The following CSRNP3 variants were observed in gnomAD, a reference collection of about 807,000 sequenced individuals.
CSRNP3 encodes the protein cysteine and serine rich nuclear protein 3.
In CSRNP3, 12 loss-of-function variants were observed where a neutral mutation model predicts 48.0. That is an observed-to-expected ratio of 0.25 (90% CI 0.16 to 0.41). CSRNP3 has a LOEUF of 0.41. Ranked by LOEUF, CSRNP3 falls within the 10% of genes least tolerant of loss-of-function variation. The pLI is 1.00. For synonymous variants in CSRNP3, 263 were observed against 269.7 expected, an observed-to-expected ratio of 0.98 and a Z score of 0.24; for missense variants, 580 against 724.4, an observed-to-expected ratio of 0.80 and a Z score of 2.29.
intron 3 of CSRNP3, among the ~76,000 whole-genome samples, chr2:165,586,425 A>G (rs1175015566): frequency 6.6e-6 from 1 of 152,226 alleles, no homozygotes. Context: ...ATTAACAAAA[A>G]ACAACAAAAA....
chr2:165,668,204 CAA>C (rs1687266876), intron 5 of CSRNP3, among the ~76,000 whole-genome samples: 1 of 152,140 alleles, frequency 6.6e-6, no homozygotes, highest in African/African-American at 2.4e-5. Flanking sequence ...CTGAGAAAAT[CAA>C]AAGAGTAATA....
At chr2:165,490,288 G>A (rs943273512) in intron 1 of CSRNP3, among the ~76,000 whole-genome samples, 1 of 150,182 alleles carries the variant, frequency 6.7e-6, no homozygotes, top group Non-Finnish European at 1.5e-5. Flanking sequence ...ACTGCTCAAT[G>A]AAATAAAAGA....
rs372840967 is a variant in CSRNP3 at position 165,681,803 on chromosome 2, A to ATGTGTG, written c.*2072_*2077dup. The ATGTGTG allele has an allele frequency of 5.0e-4, 63 of 126,838 alleles. No individual in the cohort carries two copies. The highest frequency in any genetic ancestry group is 1.8e-3 in the African/African-American group (60 of 33,612). The allele number at this position is 126,838 out of a possible 1,614,324, so 7.9% of individuals were successfully genotyped here. ...TACACATATATATACACATATATGT[A>ATGTGTG]TGTGTGTGTGTGTGTGTGTGTGTGT... On this transcript the variant is annotated 3_prime_UTR_variant, in exon 7 of 7. Coordinates refer to ENST00000651982, the MANE Select transcript of CSRNP3 (RefSeq NM_001172173.2).
intron 3 of CSRNP3, among the ~76,000 whole-genome samples, chr2:165,541,874 A>G (rs1684962508): frequency 6.6e-6 from 1 of 152,124 alleles, no homozygotes; most frequent in African/African-American, 2.4e-5. Context: ...TCCCTTCTAC[A>G]GAGTTTATAG....
intron 3 of CSRNP3, among the ~76,000 whole-genome samples, chr2:165,575,296 C>T (rs1553476166): frequency 1.3e-5 from 2 of 152,066 alleles, no homozygotes; most frequent in Non-Finnish European, 2.9e-5. Flanking sequence ...TTCAAACAAA[C>T]TTAATTAAAA....
chr2:165,484,019 T>G (rs1684081428), intron 1 of CSRNP3, among the ~76,000 whole-genome samples: 1 of 152,246 alleles, frequency 6.6e-6, no homozygotes. Context: ...GGAATGCTAG[T>G]AAGAAAATTG....
chr2:165,657,967 G>C lies in CSRNP3; in HGVS notation c.355G>C (p.Glu119Gln). The C allele has an allele frequency of 6.2e-7, 1 of 1,613,942 alleles. No homozygotes were observed. Among genetic ancestry groups the C allele is most frequent in the Non-Finnish European group, 8.5e-7 (1 of 1,179,988 alleles). The change falls in exon 5 of 7, where the codon GAG becomes CAG. Residue 119 changes from glutamate to glutamine, a missense_variant. By Grantham distance (29) the Glu-to-Gln change is conservative. Around this residue, in one of 4 missense-constraint regions of CSRNP3, gnomAD observed 62 missense variants for 66.4 expected, o/e 0.93. Coordinates refer to ENST00000651982, the MANE Select transcript of CSRNP3 (RefSeq NM_001172173.2). Reference sequence around the variant, plus strand: ...AAGGGAGCAGGAGAGGCTCCACCGGGAGATGTTGAGAGAACACCTTAGGGA... The same window carrying C: ...AAGGGAGCAGGAGAGGCTCCACCGGCAGATGTTGAGAGAACACCTTAGGGA... ...FAREQERLHREMLREHLREEK... is the reference protein window; with the variant it reads ...FAREQERLHRQMLREHLREEK...
chr2:165,640,693 A>G (rs1229132860), intron 4 of CSRNP3, among the ~76,000 whole-genome samples: 1 of 152,186 alleles, frequency 6.6e-6, no homozygotes, highest in African/African-American at 2.4e-5. Context: ...TTCACAGGCT[A>G]TAATAAGGAA....
rs1342732466 is a variant in CSRNP3, at chr2:165,487,374, G to T, written c.-282-7385G>T. ...GAACCAAGTTGGAAAACACTCTGCAGGATATTATCCAGGAGAACTTCCCCA... is the reference window on the plus strand; with the variant it reads ...GAACCAAGTTGGAAAACACTCTGCATGATATTATCCAGGAGAACTTCCCCA... On this transcript the variant is annotated intron_variant, in intron 1 of 6. Transcript: ENST00000651982. Among the ~76,000 whole-genome samples, 7 of 131,500 alleles carry T rather than the reference G, an allele frequency of 5.3e-5. 1 individual carries two copies. The highest frequency in any genetic ancestry group is 4.7e-4 in the Admixed American group (6 of 12,764). The allele number at this position is 131,500 out of a possible 152,430, so 86.3% of individuals were successfully genotyped here.
chr2:165,670,831 G>A (rs758922461), intron 5 of CSRNP3, among the ~76,000 whole-genome samples: 2 of 124,266 alleles, frequency 1.6e-5, no homozygotes, highest in African/African-American at 5.5e-5. Context: ...AGGCTATTTG[G>A]TAATCTCTTT....
intron 3 of CSRNP3, among the ~76,000 whole-genome samples, chr2:165,568,329 C>G (rs189397619): frequency 6.6e-6 from 1 of 152,216 alleles, no homozygotes; most frequent in East Asian, 1.9e-4. Context: ...CACTCAGCTT[C>G]AGAAGGATCT....
chr2:165,687,890 C>A lies in CSRNP3; in HGVS notation c.*8137C>A, dbSNP rs1687656399. The A allele has an allele frequency of 6.6e-6, 1 of 151,944 alleles. No individual in the cohort carries two copies. Among genetic ancestry groups the A allele is most frequent in the Non-Finnish European group, 1.5e-5 (1 of 67,976 alleles). 9.4% of individuals were successfully genotyped at this position (151,944 alleles called of 1,614,324 possible). On this transcript the variant is annotated 3_prime_UTR_variant, in exon 7 of 7. Coordinates refer to ENST00000651982, the MANE Select transcript of CSRNP3 (RefSeq NM_001172173.2). ...AGAACTCACCAGAAGATGAGGAACA[C>A]CCCCGAAATCAATGTTTCCTTTCTC...
chr2:165,603,050 C>A (rs1329942600), intron 4 of CSRNP3, among the ~76,000 whole-genome samples: 1 of 152,064 alleles, frequency 6.6e-6, no homozygotes, highest in South Asian at 2.1e-4. Flanking sequence ...CACCTGCCAT[C>A]GTGCCCGGCT....
rs566427367 is a variant in CSRNP3 at position 165,567,124 on chromosome 2, T to C, written c.-23-27919T>C. 2.6e-5 allele frequency: 4 copies of C among 152,230 alleles called. No individual in the cohort carries two copies. In the South Asian group the frequency reaches 8.3e-4, roughly 32 times the overall value. 9.4% of individuals were successfully genotyped at this position (152,230 alleles called of 1,614,324 possible). A position where few individuals can be genotyped will look rare whatever the true frequency, so the allele number is the denominator to read the frequency against. ...ATTGATGGAAAAACCATCAGTCCTG[T>C]TTCCTTTTAAACCTGCTCAGTTCAT... is the stretch of plus-strand genomic sequence containing the variant. On this transcript the variant is annotated intron_variant, in intron 3 of 6. Coordinates refer to ENST00000651982, the MANE Select transcript of CSRNP3 (RefSeq NM_001172173.2).
rs934658312 is a variant in CSRNP3 at position 165,605,671 on chromosome 2, G to A, written c.148+10458G>A. ...TGTGCTACAGCCTGGATGACAATGA[G>A]AATATGTCTCTAAATAAATAAAAAT... is the stretch of plus-strand genomic sequence containing the variant. On this transcript the variant is annotated intron_variant, in intron 4 of 6. Coordinates refer to ENST00000651982, the MANE Select transcript of CSRNP3 (RefSeq NM_001172173.2). Among the ~76,000 whole-genome samples the A allele has an allele frequency of 8.5e-5, 13 of 152,130 alleles. No individual in the cohort carries two copies. In the East Asian group the frequency reaches 2.1e-3, roughly 25 times the overall value.
At chr2:165,652,432 G>C (rs946555971) in intron 4 of CSRNP3, among the ~76,000 whole-genome samples, 1 of 151,410 alleles carries the variant, frequency 6.6e-6, no homozygotes, top group Non-Finnish European at 1.5e-5. Context: ...CCAGGAGGCG[G>C]AGGTTGCAGT....
Position 165,683,157 on chromosome 2 carries a change from A to G in CSRNP3, c.*3404A>G, listed in dbSNP as rs1039544783. 3 of 152,128 alleles carry G rather than the reference A, an allele frequency of 2.0e-5. No individual in the cohort carries two copies. The highest frequency in any genetic ancestry group is 7.2e-5 in the African/African-American group (3 of 41,442). The allele number at this position is 152,128 out of a possible 1,614,324, so 9.4% of individuals were successfully genotyped here. On this transcript the variant is annotated 3_prime_UTR_variant, in exon 7 of 7. Coordinates refer to ENST00000651982, the MANE Select transcript of CSRNP3 (RefSeq NM_001172173.2). ...TTTCCTCCTTATCTCTTGATCATTA[A>G]TTATTAAGACATGGGTAAAATTCAT...
intron 4 of CSRNP3, among the ~76,000 whole-genome samples, chr2:165,613,687 C>T (rs10203527): frequency 0.53 from 80,834 of 151,978 alleles, 21,983 homozygotes; most frequent in Admixed American, 0.61. Flanking sequence ...CTTGCCAGCT[C>T]TGTTGAAAAC....
At chr2:165,593,047 C>G (rs1255838832) in intron 3 of CSRNP3, among the ~76,000 whole-genome samples, 1 of 151,886 alleles carries the variant, frequency 6.6e-6, no homozygotes, top group Non-Finnish European at 1.5e-5. Context: ...GTGATCCGCC[C>G]GCCTCGGCCT....
Sources: allele counts gnomAD v4.1 joint callset (sites outside exome capture counted in the v4.1 genomes callset), GRCh38; gene constraint gnomAD v4.1.1; regional missense constraint gnomAD v4.1.1; transcripts MANE v1.5; gene names NCBI Gene and HGNC (gene_info 2026-07-23, HGNC 2026-07-21).